Variants in ANK3 observed in about 807,000 individuals in gnomAD.
ANK3 encodes ankyrin-3.
Under a neutral mutation model 370.9 loss-of-function variants are expected in ANK3, and 57 were observed. That is an observed-to-expected ratio of 0.15 (90% CI 0.12 to 0.19). The LOEUF is 0.19. Among genes scored for constraint, ANK3 ranks in the 10% least tolerant of loss-of-function variants. The pLI is 1.00. For synonymous variants in ANK3, 1,929 were observed against 1,946.3 expected, an observed-to-expected ratio of 0.99 and a Z score of 0.23; for missense variants, 4,439 against 5,302.1, an observed-to-expected ratio of 0.84 and a Z score of 5.06.
At chr10:60,658,985 G>C (rs1011147973) in intron 1 of ANK3, among the ~76,000 whole-genome samples, 1 of 151,716 alleles carries the variant, frequency 6.6e-6, no homozygotes, top group East Asian at 1.9e-4. Flanking sequence ...AGGGACGGGA[G>C]GGGAGGATCT....
chr10:60,695,998 C>A (rs1262237602), intron 1 of ANK3, among the ~76,000 whole-genome samples: 2 of 150,812 alleles, frequency 1.3e-5, no homozygotes, highest in Non-Finnish European at 3.0e-5. Context: ...AATTGATAGA[C>A]CGCTAGCAAG....
chr10:60,220,788 C>A (rs1211691412), intron 8 of ANK3, among the ~76,000 whole-genome samples: 1 of 152,112 alleles, frequency 6.6e-6, no homozygotes, highest in African/African-American at 2.4e-5. Flanking sequence ...CTCAGGATCT[C>A]CTAAGGGCTA....
rs772776769 is a variant in ANK3, at chr10:60,059,426, C to A, written c.12600G>T (p.Trp4200Cys). Reference protein sequence around the residue: ...NNVFHDPVDGWQNETSSGNLE... With the variant: ...NNVFHDPVDGCQNETSSGNLE... ...GGTTTCCACTTGATGTCTCATTCTG[C>A]CAACCTGTAATTGAAGACATTTCCA... is the stretch of plus-strand genomic sequence containing the variant. The change falls in exon 41 of 44, where the codon TGG becomes TGT. Residue 4200 changes from tryptophan to cysteine, a missense_variant. Trp to Cys is a radical substitution (Grantham distance 215). Coordinates refer to ENST00000280772, the MANE Select transcript of ANK3 (RefSeq NM_020987.5). 1 of 1,613,714 alleles carries A rather than the reference C, an allele frequency of 6.2e-7. No homozygotes were observed. Among genetic ancestry groups the A allele is most frequent in the African/African-American group, 1.3e-5 (1 of 75,012 alleles).
chr10:60,689,768 A>C (rs1404300722), intron 1 of ANK3, among the ~76,000 whole-genome samples: 2 of 151,878 alleles, frequency 1.3e-5, no homozygotes, highest in Admixed American at 6.6e-5. Flanking sequence ...AAAAAAAAAA[A>C]AGAATGAACT....
intron 2 of ANK3, among the ~76,000 whole-genome samples, chr10:60,469,105 G>GTATA (rs370314200): frequency 1.1e-3 from 16 of 14,472 alleles, no homozygotes; most frequent in African/African-American, 2.2e-3. Flanking sequence ...ACCACTTTTA[G>GTATA]TATATATATA....
At chr10:60,665,017 C>T (rs1030702705) in intron 1 of ANK3, among the ~76,000 whole-genome samples, 2 of 152,078 alleles carry the variant, frequency 1.3e-5, no homozygotes, top group African/African-American at 2.4e-5. Flanking sequence ...CTTCCTATCC[C>T]GAATGGCCAG....
intron 8 of ANK3, 110 bp from the exon 9 acceptor site, chr10:60,213,620 T>C (rs1164725810): frequency 1.9e-6 from 1 of 530,934 alleles, no homozygotes; most frequent in Non-Finnish European, 3.1e-6. Flanking sequence ...TCAAGCGGGC[T>C]TCAAACATTT....
chr10:60,312,371 C>T (rs1303671282), intron 1 of ANK3, among the ~76,000 whole-genome samples: 6 of 152,176 alleles, frequency 3.9e-5, no homozygotes, highest in Non-Finnish European at 8.8e-5. Flanking sequence ...ACAGTGAAAG[C>T]TCTTGATAAA....
At chr10:60,602,765 G>A (rs540043857) in intron 2 of ANK3, among the ~76,000 whole-genome samples, 2 of 152,090 alleles carry the variant, frequency 1.3e-5, no homozygotes, top group South Asian at 2.1e-4. Context: ...CATTTAGGCA[G>A]ATATCTCCTG....
chr10:60,427,849 A>C (rs10994342), intron 2 of ANK3, among the ~76,000 whole-genome samples: 54,706 of 151,988 alleles, frequency 0.36, 10,226 homozygotes, highest in South Asian at 0.43. Flanking sequence ...ACTAGAACCC[A>C]GATTTTCTGA....
chr10:60,072,344 G>A lies in ANK3; in HGVS notation c.8537C>T (p.Pro2846Leu), dbSNP rs1043299353. Reference sequence around the variant, plus strand: ...TGTTCTAAAGACCTTTTTGTCCCATGGTCCCCTAGTTGCTAAATCTGAGGT... The same window carrying A: ...TGTTCTAAAGACCTTTTTGTCCCATAGTCCCCTAGTTGCTAAATCTGAGGT... ...HITSDLATRG[P>L]WDKKVFRTWE... The change falls in exon 37 of 44, where the codon CCA (proline) becomes CTA (leucine). Residue 2846 changes from proline to leucine, a missense_variant. This residue lies in a region of ANK3 where 1,601 missense variants were observed against 1,731.7 expected (regional missense o/e 0.92). Transcript: ENST00000280772. 6.2e-7 allele frequency: 1 copy of A among 1,613,656 alleles called. No homozygotes were observed.
intron 2 of ANK3, among the ~76,000 whole-genome samples, chr10:60,412,085 C>G (rs2063571402): frequency 6.6e-6 from 1 of 152,134 alleles, no homozygotes; most frequent in Non-Finnish European, 1.5e-5. Flanking sequence ...TCCTCAATGG[C>G]TGCTGGTTAG....
intron 1 of ANK3, among the ~76,000 whole-genome samples, chr10:60,720,660 C>T (rs1444847355): frequency 6.6e-6 from 1 of 152,168 alleles, no homozygotes; most frequent in Non-Finnish European, 1.5e-5. Flanking sequence ...GGCTGGAATG[C>T]AGTGATGTGA....
intron 2 of ANK3, among the ~76,000 whole-genome samples, chr10:60,411,376 G>C (rs1473899301): frequency 1.3e-5 from 2 of 152,208 alleles, no homozygotes; most frequent in African/African-American, 4.8e-5. Flanking sequence ...TAAGCCAGAT[G>C]AAGTTGTTGT....
chr10:60,468,583 T>C (rs2065064093), intron 2 of ANK3, among the ~76,000 whole-genome samples: 1 of 152,180 alleles, frequency 6.6e-6, no homozygotes, highest in Middle Eastern at 3.4e-3. Flanking sequence ...GACCAATCTC[T>C]TGTTTACCAT....
intron 1 of ANK3, among the ~76,000 whole-genome samples, chr10:60,717,574 C>A (rs1196270613): frequency 6.6e-6 from 1 of 152,106 alleles, no homozygotes; most frequent in African/African-American, 2.4e-5. Flanking sequence ...TACTATGAAC[C>A]AAGCACTGAG....
chr10:60,187,832 G>A (rs1397567683), intron 16 of ANK3, among the ~76,000 whole-genome samples: 1 of 152,042 alleles, frequency 6.6e-6, no homozygotes, highest in East Asian at 1.9e-4. Flanking sequence ...ATGTTTCTCT[G>A]TCTTGCCTTA....
intron 1 of ANK3, among the ~76,000 whole-genome samples, chr10:60,651,107 A>C (rs549754908): frequency 6.6e-6 from 1 of 152,250 alleles, no homozygotes; most frequent in Admixed American, 6.5e-5. Flanking sequence ...ATATATATAG[A>C]TATTGTTTTA....
chr10:60,635,202 G>C (rs920781311), intron 1 of ANK3, among the ~76,000 whole-genome samples: 4 of 152,030 alleles, frequency 2.6e-5, no homozygotes, highest in Non-Finnish European at 5.9e-5. Flanking sequence ...TATAGTCTTG[G>C]TGGAAAGACC....
Sources: gnomAD v4.1 joint callset for allele counts (sites outside exome capture counted in the v4.1 genomes callset) on GRCh38, gnomAD v4.1.1 for gene constraint, gnomAD v4.1.1 regional missense constraint, MANE v1.5 for transcripts, NCBI Gene and HGNC (gene_info 2026-07-23, HGNC 2026-07-21) for gene names.